KALRN: variants seen among roughly 807,000 people sequenced by gnomAD.
The protein encoded by KALRN is kalirin RhoGEF kinase.
Under a neutral mutation model 353.7 loss-of-function variants are expected in KALRN, and 70 were observed. The observed-to-expected ratio is 0.20, with a 90% CI of 0.16 to 0.24. The LOEUF is 0.24. KALRN is among the 10% of genes least tolerant of loss of function. The pLI is 1.00. For synonymous variants in KALRN, 1,391 were observed against 1,434.8 expected, an observed-to-expected ratio of 0.97 and a Z score of 0.69; for missense variants, 2,791 against 3,756.7, an observed-to-expected ratio of 0.74 and a Z score of 6.72.
At chr3:124,247,453 T>TGTAATAATTGCCG in intron 3 of KALRN, among the ~76,000 whole-genome samples, 1 of 152,194 alleles carries the variant, frequency 6.6e-6, no homozygotes, top group South Asian at 2.1e-4. Context: ...TCACCTGCTA[T>TGTAATAATTGCCG]GTTGAAACTG....
intron 37 of KALRN, among the ~76,000 whole-genome samples, chr3:124,640,824 G>A (rs981690956): frequency 1.3e-5 from 2 of 152,150 alleles, no homozygotes; most frequent in Non-Finnish European, 2.9e-5. Flanking sequence ...ACCCCAGAGG[G>A]CAGAATCTAG....
At chr3:124,239,587 T>C (rs1382882751) in intron 3 of KALRN, among the ~76,000 whole-genome samples, 2 of 152,234 alleles carry the variant, frequency 1.3e-5, no homozygotes, top group Non-Finnish European at 2.9e-5. Context: ...TGCCTTTACT[T>C]GTGGCCTATT....
intron 13 of KALRN, among the ~76,000 whole-genome samples, chr3:124,407,351 G>T (rs1475555917): frequency 6.6e-6 from 1 of 151,678 alleles, no homozygotes; most frequent in Admixed American, 6.6e-5. Context: ...CAGGTTTTAA[G>T]CAGTTAAACA....
intron 33 of KALRN, among the ~76,000 whole-genome samples, chr3:124,545,566 G>A (rs2069537717): frequency 6.6e-6 from 1 of 152,174 alleles, no homozygotes; most frequent in South Asian, 2.1e-4. Flanking sequence ...GCCCAGGGGT[G>A]AGGGACCTCT....
At position 124,574,321 on chromosome 3, in the gene KALRN, C is replaced by A. The variant is rs1240960124; in HGVS notation, c.5182+11232C>A. On this transcript the variant is annotated intron_variant, in intron 34 of 59. Transcript: ENST00000682506. The stretch of plus-strand genomic sequence containing the variant: ...ATGGAAAGAGCTGGTCTCTCTGGGT[C>A]CCTCTGCAGAGATCCTGCATTTTTC... 2.0e-5 allele frequency among the ~76,000 whole-genome samples: 3 copies of A among 152,220 alleles called. No homozygotes were observed. The East Asian group carries it at 5.8e-4, about 29-fold the overall frequency.
chr3:124,545,965 A>T (rs758448305), intron 33 of KALRN, among the ~76,000 whole-genome samples: 7 of 152,158 alleles, frequency 4.6e-5, no homozygotes, highest in Non-Finnish European at 8.8e-5. Flanking sequence ...ACACATAGGA[A>T]TTTTTTCCGT....
chr3:124,387,560 CT>C (rs1560767569), intron 11 of KALRN, among the ~76,000 whole-genome samples: 2 of 152,116 alleles, frequency 1.3e-5, no homozygotes, highest in African/African-American at 2.4e-5. Flanking sequence ...AAAGGCCATG[CT>C]TTTTTCTCCT....
In KALRN at chr3:124,702,034, G is replaced by A. The variant is rs143795847; in HGVS notation, c.7997-4G>A. On this transcript the variant is annotated splice_polypyrimidine_tract_variant and splice_region_variant and intron_variant, in intron 56 of 59. Coordinates refer to ENST00000682506, the MANE Select transcript of KALRN (RefSeq NM_001388419.1). ...ATTGTAAATGGATTCTCTTTCTTCC[G>A]AAGATGCTGCTGCTGATGGTGCCAC... 2,852 of 1,611,656 alleles carry A rather than the reference G, an allele frequency of 1.8e-3. 2 individuals carry two copies. The highest frequency in any genetic ancestry group is 2.2e-3 in the Non-Finnish European group (2,573 of 1,178,290).
chr3:124,310,240 TA>T (rs35901755), intron 6 of KALRN, among the ~76,000 whole-genome samples: 39,378 of 151,826 alleles, frequency 0.26, 6,741 homozygotes, highest in Non-Finnish European at 0.38. Context: ...CTGAAAACTA[TA>T]AAGCATTGTT....
At chr3:124,669,878 T>C (rs1012887796) in intron 47 of KALRN, among the ~76,000 whole-genome samples, 3 of 152,116 alleles carry the variant, frequency 2.0e-5, no homozygotes, top group African/African-American at 7.2e-5. Flanking sequence ...ATTGTTATAC[T>C]ATATTGTTTA....
chr3:124,044,827 TTCCTTCCCTCCC>T (rs765535352), intron 1 of KALRN, among the ~76,000 whole-genome samples: 1,064 of 91,538 alleles, frequency 0.012, 14 homozygotes, highest in Middle Eastern at 0.019. Context: ...CCTTCCTTCC[TTCCTTCCCTCCC>T]TCCCTCCCTC....
chr3:124,671,824 C>T lies in KALRN; in HGVS notation c.6868C>T (p.Leu2290=). The T allele has an allele frequency of 6.2e-7, 1 of 1,614,226 alleles. No individual in the cohort carries two copies. The highest frequency in any genetic ancestry group is 8.5e-7 in the Non-Finnish European group (1 of 1,180,034). The change falls in exon 48 of 60, where the codon CTG becomes TTG. Residue 2290 remains leucine, a synonymous_variant. Transcript: ENST00000682506. Reference sequence around the variant, plus strand: ...CAGCTATAACCCACCTCTGCCTCCCCTGAAGATATCTACCTCCAATGGCAG... The same window carrying T: ...CAGCTATAACCCACCTCTGCCTCCCTTGAAGATATCTACCTCCAATGGCAG... ...GSSYNPPLPP[L]KISTSNGSPG...
At chr3:124,341,872 A>T (rs760650961) in intron 9 of KALRN, among the ~76,000 whole-genome samples, 1 of 152,180 alleles carries the variant, frequency 6.6e-6, no homozygotes, top group African/African-American at 2.4e-5. Flanking sequence ...TTTGAGGCAG[A>T]GCTTAAAGGA....
At chr3:124,439,188 TCTCTCTCTCTCTCACA>T in intron 18 of KALRN, 151 bp downstream of exon 18, 1 of 363,134 alleles carries the variant, frequency 2.8e-6, no homozygotes, top group East Asian at 5.9e-5. Context: ...TTCTTCTCCT[TCTCTCTCTCTCTCACA>T]CACACACACA....
chr3:124,654,461 A>G (rs1464340312), intron 38 of KALRN, among the ~76,000 whole-genome samples: 1 of 152,190 alleles, frequency 6.6e-6, no homozygotes, highest in Non-Finnish European at 1.5e-5. Flanking sequence ...TCAGAACTTT[A>G]TCATTTCTGC....
At chr3:124,628,164 C>CTT (rs2080210127) in intron 34 of KALRN, among the ~76,000 whole-genome samples, 1 of 52,864 alleles carries the variant, frequency 1.9e-5, no homozygotes, top group African/African-American at 1.3e-4. Flanking sequence ...TCCCTCCCTT[C>CTT]CTTCCTTCCC....
At chr3:124,292,290 C>T (rs1216930945) in intron 5 of KALRN, among the ~76,000 whole-genome samples, 2 of 152,124 alleles carry the variant, frequency 1.3e-5, no homozygotes, top group Admixed American at 6.5e-5. Flanking sequence ...AGGACCTTGC[C>T]CTCCTACTAA....
At chr3:124,609,572 T>C (rs939930729) in intron 34 of KALRN, among the ~76,000 whole-genome samples, 2 of 152,196 alleles carry the variant, frequency 1.3e-5, no homozygotes, top group Non-Finnish European at 2.9e-5. Context: ...TAAATCTGCT[T>C]AGAAGAGAGA....
intron 1 of KALRN, among the ~76,000 whole-genome samples, chr3:124,140,153 C>A (rs1299087804): frequency 6.6e-6 from 1 of 152,140 alleles, no homozygotes; most frequent in East Asian, 1.9e-4. Context: ...CAGTAGCCTA[C>A]CCAAATATGG....
Sources: gnomAD v4.1 joint callset for allele counts (sites outside exome capture counted in the v4.1 genomes callset) on GRCh38, gnomAD v4.1.1 for gene constraint, MANE v1.5 for transcripts, NCBI Gene and HGNC (gene_info 2026-07-23, HGNC 2026-07-21) for gene names.